The following PEPD variants were observed in gnomAD, a reference collection of about 807,000 sequenced individuals.
The protein encoded by PEPD is xaa-Pro dipeptidase.
In PEPD, 53 loss-of-function variants were observed where a neutral mutation model predicts 60.7. The observed-to-expected ratio is 0.87, with a 90% confidence interval of 0.70 to 1.10. The LOEUF (loss-of-function observed/expected upper bound fraction) is 1.10, where lower values mean the gene tolerates loss of function less well. PEPD is among the 50% of genes least tolerant of loss of function. The pLI, the probability that PEPD is intolerant of heterozygous loss-of-function variation, is 0.00. For missense variants in PEPD, 711 were observed against 711.9 expected (o/e 1.00, Z 0.01); for synonymous variants, 267 against 284.1 (o/e 0.94, Z 0.60).
chr19:33,390,213 A>AAAC (rs1459748726), intron 13 of PEPD, among the ~76,000 whole-genome samples: 1 of 152,242 alleles, frequency 6.6e-6, no homozygotes, highest in African/African-American at 2.4e-5. Flanking sequence ...GAAAAGATGA[A>AAAC]AACAGTTTGC....
intron 6 of PEPD, chr19:33,486,916 AGAG>A (rs1453100721): frequency 7.9e-5 from 12 of 152,748 alleles, no homozygotes; most frequent in East Asian, 7.7e-4. Context: ...AACTTCTGTT[AGAG>A]GAGGAGGTCA....
intron 12 of PEPD, among the ~76,000 whole-genome samples, chr19:33,394,180 C>G (rs867996509): frequency 6.6e-6 from 1 of 152,226 alleles, no homozygotes; most frequent in Non-Finnish European, 1.5e-5. Context: ...GTGAGTGGCT[C>G]GTGCCCCAAG....
intron 9 of PEPD, among the ~76,000 whole-genome samples, chr19:33,441,810 T>C (rs1281483193): frequency 2.6e-5 from 4 of 152,264 alleles, no homozygotes; most frequent in Non-Finnish European, 5.9e-5. Flanking sequence ...TGGTAACATG[T>C]CATTTGTCAT....
At chr19:33,508,591 C>T (rs11669387) in intron 3 of PEPD, among the ~76,000 whole-genome samples, 10,713 of 152,240 alleles carry the variant, frequency 0.07, 457 homozygotes, top group South Asian at 0.16. Context: ...TGCACGCTGG[C>T]GGCTGGTGCT....
intron 11 of PEPD, among the ~76,000 whole-genome samples, chr19:33,402,730 A>AC (rs899182052): frequency 6.6e-6 from 1 of 152,202 alleles, no homozygotes; most frequent in African/African-American, 2.4e-5. Flanking sequence ...GACCAGCAGG[A>AC]CACAGGCAGG....
chr19:33,509,759 C>A (rs1221084482), intron 3 of PEPD, among the ~76,000 whole-genome samples: 1 of 152,222 alleles, frequency 6.6e-6, no homozygotes, highest in Admixed American at 6.5e-5. Context: ...CAGCATTTAG[C>A]GGGATCCTCT....
intron 4 of PEPD, among the ~76,000 whole-genome samples, chr19:33,494,490 C>A (rs1384825747): frequency 6.6e-6 from 1 of 152,224 alleles, no homozygotes; most frequent in African/African-American, 2.4e-5. Flanking sequence ...ACGTACAATC[C>A]TATCTCCAGA....
At chr19:33,463,458 A>G (rs1969967114) in intron 8 of PEPD, among the ~76,000 whole-genome samples, 1 of 152,224 alleles carries the variant, frequency 6.6e-6, no homozygotes, top group Admixed American at 6.5e-5. Flanking sequence ...CTGCCCATCA[A>G]TTACCCTTGT....
rs549261517 is a variant in PEPD at position 33,391,128 on chromosome 19, C to G, written c.1152+167G>C. On this transcript the variant is annotated intron_variant, in intron 13 of 14. Coordinates refer to ENST00000244137, the MANE Select transcript of PEPD (RefSeq NM_000285.4). ...GATGCACCCCTGTCTTGGCCAGGGT[C>G]CCGATTCCCCCCTCCTCATGGCCTC... is the stretch of plus-strand genomic sequence containing the variant. Among the ~76,000 whole-genome samples the G allele has an allele frequency of 9.2e-5, 14 of 152,244 alleles. 1 individual carries two copies. In the South Asian group the frequency reaches 2.9e-3, roughly 32 times the overall value.
At chr19:33,472,743 G>T (rs990489763) in intron 7 of PEPD, among the ~76,000 whole-genome samples, 20 of 152,138 alleles carry the variant, frequency 1.3e-4, no homozygotes, top group Non-Finnish European at 2.5e-4. Context: ...CATCAAAGTG[G>T]CACCGTGTTG....
chr19:33,445,611 T>C (rs1180191444), intron 9 of PEPD, among the ~76,000 whole-genome samples: 1 of 152,204 alleles, frequency 6.6e-6, no homozygotes, highest in Non-Finnish European at 1.5e-5. Context: ...GATGCCTTGA[T>C]CTTGGACTTC....
In PEPD at chr19:33,387,808, C is replaced by T. The variant is rs1968110750; in HGVS notation, c.1344+82G>A. On this transcript the variant is annotated intron_variant, in intron 14 of 14. Transcript: ENST00000244137. Reference sequence around the variant, plus strand: ...TCAAGGGAAGATGTCACTAGGGCCCCTGTCTTGGGACTAAGGAGTCTGCAG... The same window carrying T: ...TCAAGGGAAGATGTCACTAGGGCCCTTGTCTTGGGACTAAGGAGTCTGCAG... The T allele has an allele frequency of 4.2e-6, 5 of 1,192,418 alleles. No individual in the cohort carries two copies. The South Asian group carries it at 5.2e-5, about 12-fold the overall frequency. The allele number at this position is 1,192,418 out of a possible 1,614,324, so 73.9% of individuals were successfully genotyped here.
chr19:33,521,720 GA>G lies in PEPD; in HGVS notation c.17+23del, dbSNP rs1568517736. On this transcript the variant is annotated intron_variant, in intron 1 of 14. Coordinates refer to ENST00000244137, the MANE Select transcript of PEPD (RefSeq NM_000285.4). ...TGCCCCTCTCCACGCCAGCGGGAAA[GA>G]GCGAGGGAGGCGCAGCACTCACCCG... 1.9e-6 allele frequency: 3 copies of G among 1,578,902 alleles called. No individual in the cohort carries two copies. The South Asian group carries it at 3.5e-5, about 18-fold the overall frequency.
chr19:33,484,583 A>G (rs1234573243), intron 6 of PEPD, among the ~76,000 whole-genome samples: 1 of 152,222 alleles, frequency 6.6e-6, no homozygotes, highest in Non-Finnish European at 1.5e-5. Context: ...GTAGGCAGGC[A>G]TGAACAGGAA....
At chr19:33,495,464 C>T (rs920317325) in intron 4 of PEPD, among the ~76,000 whole-genome samples, 2 of 150,862 alleles carry the variant, frequency 1.3e-5, no homozygotes, top group Non-Finnish European at 2.9e-5. Flanking sequence ...TGCCATTGCA[C>T]TCCAGCCTGT....
Position 33,430,424 on chromosome 19 carries a change from C to T in PEPD, c.672-16781G>A, listed in dbSNP as rs377401704. Among the ~76,000 whole-genome samples the T allele has an allele frequency of 3.3e-3, 506 of 152,216 alleles. 1 individual carries two copies. Among genetic ancestry groups the T allele is most frequent in the African/African-American group, 0.011 (467 of 41,530 alleles). On this transcript the variant is annotated intron_variant, in intron 9 of 14. Transcript: ENST00000244137. ...TCTGGGTAAGTGGATTATGATGCAG[C>T]CCCAGTGTGCCCCAGTTCACTGCCA...
At chr19:33,398,424 T>G (rs977608839) in intron 12 of PEPD, among the ~76,000 whole-genome samples, 1 of 152,208 alleles carries the variant, frequency 6.6e-6, no homozygotes, top group Non-Finnish European at 1.5e-5. Context: ...ACAGCCCACC[T>G]TGGCACAGCT....
chr19:33,456,220 C>T (rs985053555), intron 9 of PEPD, among the ~76,000 whole-genome samples: 35 of 152,180 alleles, frequency 2.3e-4, no homozygotes, highest in African/African-American at 8.4e-4. Flanking sequence ...TCTCCACACT[C>T]GCCTGTCCCC....
At chr19:33,468,765 A>G (rs994068352) in intron 7 of PEPD, among the ~76,000 whole-genome samples, 2 of 152,182 alleles carry the variant, frequency 1.3e-5, no homozygotes, top group Admixed American at 1.3e-4. Context: ...CCACAAGCCC[A>G]GGGAGACTTT....
Sources: allele counts gnomAD v4.1 joint callset (sites outside exome capture counted in the v4.1 genomes callset), GRCh38; gene constraint gnomAD v4.1.1; transcripts MANE v1.5; gene names NCBI Gene and HGNC (gene_info 2026-07-23, HGNC 2026-07-21).